CNTNAP2: variants seen among roughly 807,000 people sequenced by gnomAD.
The protein encoded by CNTNAP2 is contactin associated protein 2.
A neutral mutation model predicts 155.2 loss-of-function variants in CNTNAP2; 98 were observed. That is an observed-to-expected ratio of 0.63 (90% CI 0.54 to 0.75). The LOEUF (loss-of-function observed/expected upper bound fraction) is 0.75. CNTNAP2 is among the 30% of genes least tolerant of loss of function. The probability of loss-of-function intolerance (pLI) is 0.00; values close to 1 mark genes in which losing one functional copy is unlikely to be tolerated. For synonymous variants in CNTNAP2, 651 were observed against 631.2 expected, an observed-to-expected ratio of 1.03 and a Z score of -0.47; for missense variants, 1,727 against 1,688.1, an observed-to-expected ratio of 1.02 and a Z score of -0.40.
At chr7:146,699,525 G>A (rs937540708) in intron 1 of CNTNAP2, among the ~76,000 whole-genome samples, 12 of 152,074 alleles carry the variant, frequency 7.9e-5, no homozygotes, top group East Asian at 3.9e-4. Context: ...AGGGTTTCTC[G>A]GCTTTTTATC....
intron 12 of CNTNAP2, among the ~76,000 whole-genome samples, chr7:147,603,255 C>T (rs1363338251): frequency 6.6e-6 from 1 of 151,992 alleles, no homozygotes; most frequent in African/African-American, 2.4e-5. Flanking sequence ...AGCATTTTTT[C>T]ATGTGTTTTT....
At position 147,359,790 on chromosome 7, in the gene CNTNAP2, G is replaced by A. The variant is rs548505545; in HGVS notation, c.1499-35819G>A. ...CTTCTTGATGAAGCCTTCCCTGACCGCCCTAAAGTAGAAACAGCCTGCCAC... is the reference window on the plus strand; with the variant it reads ...CTTCTTGATGAAGCCTTCCCTGACCACCCTAAAGTAGAAACAGCCTGCCAC... On this transcript the variant is annotated intron_variant, in intron 9 of 23. Transcript: ENST00000361727. Among the ~76,000 whole-genome samples, 11 of 151,776 alleles carry A rather than the reference G, an allele frequency of 7.2e-5. No individual in the cohort carries two copies. The East Asian group carries it at 7.8e-4, about 11-fold the overall frequency.
chr7:147,529,734 T>G (rs1253332082), intron 11 of CNTNAP2, among the ~76,000 whole-genome samples: 1 of 152,234 alleles, frequency 6.6e-6, no homozygotes, highest in Non-Finnish European at 1.5e-5. Context: ...AAACCTTTAG[T>G]GCATAGGCAA....
Position 148,215,858 on chromosome 7 carries a change from G to A in CNTNAP2, c.3011-1430G>A, listed in dbSNP as rs549571691. 5.5e-4 allele frequency among the ~76,000 whole-genome samples: 84 copies of A among 152,274 alleles called. 1 individual carries two copies. In the South Asian group the frequency reaches 0.016, roughly 29 times the overall value. On this transcript the variant is annotated intron_variant, in intron 18 of 23. Coordinates refer to ENST00000361727, the MANE Select transcript of CNTNAP2 (RefSeq NM_014141.6). Reference sequence around the variant, plus strand: ...GCGTCGGACTTCGCTGCTCTGTGCCGACCTCTTTAACAAGAACAAACATCA... The same window carrying A: ...GCGTCGGACTTCGCTGCTCTGTGCCAACCTCTTTAACAAGAACAAACATCA...
intron 13 of CNTNAP2, among the ~76,000 whole-genome samples, chr7:147,884,928 C>T (rs1038493038): frequency 6.6e-6 from 1 of 152,186 alleles, no homozygotes; most frequent in Admixed American, 6.5e-5. Flanking sequence ...ATTTGTGCCC[C>T]CACTAAATAG....
chr7:147,279,488 C>A (rs4726835), intron 8 of CNTNAP2, among the ~76,000 whole-genome samples: 72,028 of 151,534 alleles, frequency 0.48, 17,764 homozygotes, highest in East Asian at 0.71. Flanking sequence ...ATCATATAAA[C>A]TACATTTTCA....
At chr7:148,272,451 C>A (rs1796799033) in intron 21 of CNTNAP2, among the ~76,000 whole-genome samples, 1 of 152,148 alleles carries the variant, frequency 6.6e-6, no homozygotes, top group South Asian at 2.1e-4. Flanking sequence ...TTTTCAACAT[C>A]TCTATTAATG....
chr7:148,038,561 A>T (rs375484079), intron 15 of CNTNAP2, among the ~76,000 whole-genome samples: 1 of 152,134 alleles, frequency 6.6e-6, no homozygotes. Context: ...TCCCTCCCCA[A>T]ATGGTGAATC....
intron 2 of CNTNAP2, among the ~76,000 whole-genome samples, chr7:146,824,148 G>A (rs1358529182): frequency 6.6e-6 from 1 of 152,062 alleles, no homozygotes; most frequent in Non-Finnish European, 1.5e-5. Flanking sequence ...TTGGTTTTCT[G>A]TTCCTGTGTT....
intron 16 of CNTNAP2, among the ~76,000 whole-genome samples, chr7:148,130,634 T>C (rs1356843426): frequency 1.3e-5 from 2 of 152,186 alleles, no homozygotes; most frequent in Admixed American, 6.5e-5. Flanking sequence ...CAAGTTTTTT[T>C]CCCCTACTCC....
intron 1 of CNTNAP2, among the ~76,000 whole-genome samples, chr7:146,174,569 G>A (rs1798442910): frequency 6.6e-6 from 1 of 152,122 alleles, no homozygotes; most frequent in Non-Finnish European, 1.5e-5. Context: ...TGGGCGTGGT[G>A]GCTCACACCT....
chr7:146,199,187 G>T (rs953146038), intron 1 of CNTNAP2, among the ~76,000 whole-genome samples: 1 of 151,914 alleles, frequency 6.6e-6, no homozygotes, highest in South Asian at 2.1e-4. Flanking sequence ...TTACTTGTTG[G>T]GGACACAATA....
intron 16 of CNTNAP2, among the ~76,000 whole-genome samples, chr7:148,132,451 T>C (rs913121167): frequency 2.0e-5 from 3 of 151,882 alleles, no homozygotes; most frequent in African/African-American, 7.3e-5. Context: ...AAGTTTCTGA[T>C]CTAGTTGTTC....
chr7:147,288,705 T>C (rs989423473), intron 8 of CNTNAP2, among the ~76,000 whole-genome samples: 1 of 152,216 alleles, frequency 6.6e-6, no homozygotes, highest in African/African-American at 2.4e-5. Flanking sequence ...ATATGAATAT[T>C]TTCTCTGTTA....
At chr7:147,825,640 C>A (rs1446606060) in intron 13 of CNTNAP2, among the ~76,000 whole-genome samples, 1 of 152,092 alleles carries the variant, frequency 6.6e-6, no homozygotes, top group Non-Finnish European at 1.5e-5. Context: ...TCGCTGTCTG[C>A]AAACACTGGG....
intron 1 of CNTNAP2, among the ~76,000 whole-genome samples, chr7:146,293,552 A>T (rs974075504): frequency 2.0e-5 from 3 of 152,162 alleles, no homozygotes; most frequent in African/African-American, 7.2e-5. Context: ...ACATTTAGTA[A>T]CTAAGTACAC....
intron 1 of CNTNAP2, among the ~76,000 whole-genome samples, chr7:146,730,032 C>T (rs958505041): frequency 6.6e-6 from 1 of 152,048 alleles, no homozygotes; most frequent in Admixed American, 6.5e-5. Context: ...TAATTGTGAG[C>T]CAGCAACGTC....
chr7:147,341,112 A>T (rs972649900), intron 9 of CNTNAP2, among the ~76,000 whole-genome samples: 1 of 145,320 alleles, frequency 6.9e-6, no homozygotes, highest in Non-Finnish European at 1.5e-5. Flanking sequence ...ATATATTTAT[A>T]TTATAAATAT....
chr7:148,279,974 G>A (rs137977373), intron 21 of CNTNAP2, among the ~76,000 whole-genome samples: 38 of 152,268 alleles, frequency 2.5e-4, no homozygotes, highest in African/African-American at 7.9e-4. Context: ...TAGTGACTAG[G>A]ACAGGAGGGA....
Sources: allele counts gnomAD v4.1 joint callset (sites outside exome capture counted in the v4.1 genomes callset), GRCh38; gene constraint gnomAD v4.1.1; transcripts MANE v1.5; gene names NCBI Gene and HGNC (gene_info 2026-07-23, HGNC 2026-07-21).